Variants in CYB5B observed in about 807,000 individuals in gnomAD.
CYB5B encodes the protein cytochrome b5 type B (outer mitochondrial membrane).
Under a neutral mutation model 21.3 loss-of-function variants are expected in CYB5B, and 14 were observed. The ratio of observed to expected loss-of-function variants is 0.66; its 90% CI spans 0.43 to 1.03. The LOEUF is 1.03. Among genes scored for constraint, CYB5B ranks in the 50% least tolerant of loss-of-function variants. The pLI is 0.00. For missense variants in CYB5B, 166 were observed against 185.1 expected (o/e 0.90, Z 0.60); for synonymous variants, 69 against 68.4 (o/e 1.01, Z -0.04).
At chr16:69,445,025 G>T (rs938431222) in intron 1 of CYB5B, among the ~76,000 whole-genome samples, 1 of 152,194 alleles carries the variant, frequency 6.6e-6, no homozygotes, top group Non-Finnish European at 1.5e-5. Context: ...GAACTGTGTA[G>T]CAAGTCAAAA....
intron 4 of CYB5B, among the ~76,000 whole-genome samples, chr16:69,459,805 G>T (rs1162264778): frequency 2.6e-5 from 4 of 151,998 alleles, no homozygotes; most frequent in Non-Finnish European, 5.9e-5. Flanking sequence ...TAAAGTATCA[G>T]ATCTATTACT....
rs1364295485 is a variant in CYB5B at position 69,463,037 on chromosome 16, A to G, written c.*517A>G. Reference sequence around the variant, plus strand: ...GGTGGGAAGATCGCTTGAGGCCAAGAGTTCAAGACCAGCCTGGGCAACATA... The same window carrying G: ...GGTGGGAAGATCGCTTGAGGCCAAGGGTTCAAGACCAGCCTGGGCAACATA... On this transcript the variant is annotated 3_prime_UTR_variant, in exon 5 of 5. Transcript: ENST00000307892. 6.5e-6 allele frequency: 1 copy of G among 154,600 alleles called. No individual in the cohort carries two copies. Among genetic ancestry groups the G allele is most frequent in the Non-Finnish European group, 1.4e-5 (1 of 69,498 alleles). The allele number at this position is 154,600 out of a possible 1,614,324, so 9.6% of individuals were successfully genotyped here.
chr16:69,448,156 G>C lies in CYB5B; in HGVS notation c.333+12G>C, dbSNP rs1388655912. On this transcript the variant is annotated intron_variant, in intron 3 of 4. Transcript: ENST00000307892. Reference sequence around the variant, plus strand: ...AAAGTGGTAGCAAGGTAAGAAGTCAGCGGTTTGTCTTGTGTTTATATTTGT... The same window carrying C: ...AAAGTGGTAGCAAGGTAAGAAGTCACCGGTTTGTCTTGTGTTTATATTTGT... The C allele has an allele frequency of 6.2e-7, 1 of 1,613,148 alleles. No individual in the cohort carries two copies. Among genetic ancestry groups the C allele is most frequent in the Non-Finnish European group, 8.5e-7 (1 of 1,179,756 alleles).
intron 3 of CYB5B, among the ~76,000 whole-genome samples, chr16:69,453,056 A>T (rs542523909): frequency 2.9e-4 from 44 of 152,210 alleles, no homozygotes; most frequent in African/African-American, 1.0e-3. Context: ...TCCATAGATG[A>T]AAGTGTTGAT....
intron 1 of CYB5B, chr16:69,443,355 C>A: frequency 6.1e-6 from 1 of 164,290 alleles, no homozygotes; most frequent in Non-Finnish European, 1.4e-5. Context: ...GTCTTGGAAG[C>A]TTTGCTGGTT....
At chr16:69,428,566 G>A (rs1597278591) in intron 1 of CYB5B, among the ~76,000 whole-genome samples, 1 of 152,174 alleles carries the variant, frequency 6.6e-6, no homozygotes, top group East Asian at 1.9e-4. Context: ...TGAGGCAGGA[G>A]AATCACTTGA....
rs2015068986 is a variant in CYB5B, at chr16:69,464,588, G to C, written c.*2068G>C. ...CTAAAGCCAAGCCTGAAGATAACTT[G>C]AATCAGTTGTAAAAGTGTGTTGGCA... On this transcript the variant is annotated 3_prime_UTR_variant, in exon 5 of 5. Transcript: ENST00000307892. 1.3e-5 allele frequency: 2 copies of C among 152,408 alleles called. No homozygotes were observed. The highest frequency in any genetic ancestry group is 1.3e-4 in the Admixed American group (2 of 15,278). 9.4% of individuals were successfully genotyped at this position (152,408 alleles called of 1,614,324 possible).
chr16:69,448,087 A>G, intron 2 of CYB5B, 28 bp from the exon 3 acceptor site: 2 of 1,607,792 alleles, frequency 1.2e-6, no homozygotes, highest in East Asian at 2.2e-5. Flanking sequence ...ATGTCTTAAA[A>G]TATTATTTGT....
At chr16:69,452,843 A>G (rs1293988934) in intron 3 of CYB5B, among the ~76,000 whole-genome samples, 2 of 151,984 alleles carry the variant, frequency 1.3e-5, no homozygotes, top group African/African-American at 4.8e-5. Flanking sequence ...TGCTAAAAAT[A>G]CAAAAATTAG....
rs377034526 is a variant in CYB5B, at chr16:69,424,696, A to T, written c.13A>T (p.Met5Leu). 289 of 1,587,640 alleles carry T rather than the reference A, an allele frequency of 1.8e-4. No homozygotes were observed. Among genetic ancestry groups the T allele is most frequent in the Non-Finnish European group, 2.3e-4 (268 of 1,166,662 alleles). Residue 5 changes from methionine (M) to leucine (L), a missense_variant, in exon 1 of 5, where the codon ATG becomes TTG. Physicochemically the swap from Met to Leu is conservative, Grantham distance 15. Transcript: ENST00000307892. ...GTGGAGAGGCAGTATGTCCGGTTCAATGGCGACTGCGGAAGCTAGCGGCAG... is the reference window on the plus strand; with the variant it reads ...GTGGAGAGGCAGTATGTCCGGTTCATTGGCGACTGCGGAAGCTAGCGGCAG... MSGS[M>L]ATAEASGSDG...
intron 1 of CYB5B, among the ~76,000 whole-genome samples, chr16:69,438,178 T>G (rs2014780471): frequency 6.6e-6 from 1 of 152,246 alleles, no homozygotes; most frequent in South Asian, 2.1e-4. Flanking sequence ...TGTATCTGGC[T>G]TATTTTACTT....
chr16:69,441,153 C>CTTT lies in CYB5B; in HGVS notation c.175-5981_175-5979dup, dbSNP rs533158390. ...TCTGATTTCCCAGTTTTACTTCTCT[C>CTTT]TTTTTTTTTTTTTTTTTTGAGATGG... is the stretch of plus-strand genomic sequence containing the variant. On this transcript the variant is annotated intron_variant, in intron 1 of 4. Transcript: ENST00000307892. 5.3e-3 allele frequency among the ~76,000 whole-genome samples: 708 copies of CTTT among 133,292 alleles called. 18 individuals carry two copies. The highest frequency in any genetic ancestry group is 0.018 in the African/African-American group (638 of 35,528). The allele number at this position is 133,292 out of a possible 152,430, so 87.4% of individuals were successfully genotyped here. A position where few individuals can be genotyped will look rare whatever the true frequency, so the allele number is the denominator to read the frequency against.
chr16:69,450,494 G>A (rs963512411), intron 3 of CYB5B, among the ~76,000 whole-genome samples: 1 of 152,154 alleles, frequency 6.6e-6, no homozygotes, highest in African/African-American at 2.4e-5. Context: ...GGCAGATCAG[G>A]CAAGAAAGGC....
chr16:69,434,946 T>C (rs2014745187), intron 1 of CYB5B, among the ~76,000 whole-genome samples: 1 of 152,048 alleles, frequency 6.6e-6, no homozygotes, highest in African/African-American at 2.4e-5. Flanking sequence ...TGATGACTAA[T>C]GATGTTGTAT....
intron 1 of CYB5B, among the ~76,000 whole-genome samples, chr16:69,444,799 G>T (rs1336507077): frequency 6.6e-6 from 1 of 152,126 alleles, no homozygotes; most frequent in Non-Finnish European, 1.5e-5. Flanking sequence ...TAGACTAATG[G>T]CTGAAATGAT....
At chr16:69,426,966 G>A (rs1223420065) in intron 1 of CYB5B, among the ~76,000 whole-genome samples, 1 of 152,118 alleles carries the variant, frequency 6.6e-6, no homozygotes, top group Non-Finnish European at 1.5e-5. Context: ...TTGGCTGGGC[G>A]CAGTGACTCA....
At chr16:69,452,213 C>T (rs2014941197) in intron 3 of CYB5B, among the ~76,000 whole-genome samples, 1 of 143,832 alleles carries the variant, frequency 7.0e-6, no homozygotes. Flanking sequence ...ACTCGGGAGG[C>T]TGAGGCAGGA....
intron 1 of CYB5B, among the ~76,000 whole-genome samples, chr16:69,431,885 G>A (rs1321005429): frequency 1.3e-5 from 2 of 152,098 alleles, no homozygotes; most frequent in Non-Finnish European, 2.9e-5. Flanking sequence ...CTTTTATGAA[G>A]AAAACAAATG....
chr16:69,426,701 A>G lies in CYB5B; in HGVS notation c.174+1844A>G, dbSNP rs75844993. 1.8e-4 allele frequency among the ~76,000 whole-genome samples: 27 copies of G among 148,090 alleles called. No individual in the cohort carries two copies. The East Asian group carries it at 5.0e-3, about 28-fold the overall frequency. On this transcript the variant is annotated intron_variant, in intron 1 of 4. Coordinates refer to ENST00000307892, the MANE Select transcript of CYB5B (RefSeq NM_030579.3). ...GCCTGGGCGACAGAGCGAGACTCCA[A>G]AAAAAAAAAAAAAAAAGCTAGTGGA...
Sources: gnomAD v4.1 joint callset for allele counts (sites outside exome capture counted in the v4.1 genomes callset) on GRCh38, gnomAD v4.1.1 for gene constraint, MANE v1.5 for transcripts, NCBI Gene and HGNC (gene_info 2026-07-23, HGNC 2026-07-21) for gene names.